The following NUFIP2 variants were observed in gnomAD, a reference collection of about 807,000 sequenced individuals.
The protein encoded by NUFIP2 is nuclear FMR1 interacting protein 2, also known as FMR1-interacting protein NUFIP2.
A neutral mutation model predicts 56.9 loss-of-function variants in NUFIP2; 6 were observed. That is an observed-to-expected ratio of 0.11 (90% CI 0.06 to 0.21). The LOEUF (loss-of-function observed/expected upper bound fraction) is 0.21, where lower values mean the gene tolerates loss of function less well. Among genes scored for constraint, NUFIP2 ranks in the 10% least tolerant of loss-of-function variants. The pLI, the probability that NUFIP2 is intolerant of heterozygous loss-of-function variation, is 1.00. For synonymous variants in NUFIP2, 321 were observed against 298.2 expected (o/e 1.08, Z -0.79); for missense variants, 828 against 826.8 (o/e 1.00, Z -0.02).
In NUFIP2 at chr17:29,286,450, G is replaced by A; in HGVS notation, c.1544C>T (p.Pro515Leu). Residue 515 changes from proline to leucine, a missense_variant, in exon 2 of 4, where the codon CCC becomes CTC. Pro to Leu is a moderately conservative substitution (Grantham distance 98). Around this residue, in one of 3 missense-constraint regions of NUFIP2, gnomAD observed 404 missense variants for 380.3 expected, o/e 1.06. Transcript: ENST00000225388. ...NQWGLSFINE[P>L]SAGPETVTGK... is the part of the protein sequence containing the mutation. Reference sequence around the variant, plus strand: ...AGTAACAGTCTCAGGGCCAGCACTGGGCTCATTTATAAATGATAAACCCCA... The same window carrying A: ...AGTAACAGTCTCAGGGCCAGCACTGAGCTCATTTATAAATGATAAACCCCA... 1.2e-6 allele frequency: 2 copies of A among 1,614,064 alleles called. No individual in the cohort carries two copies. The highest frequency in any genetic ancestry group is 1.7e-6 in the Non-Finnish European group (2 of 1,180,014).
chr17:29,291,052 A>G (rs867058296), intron 1 of NUFIP2, among the ~76,000 whole-genome samples: 1 of 149,696 alleles, frequency 6.7e-6, no homozygotes, highest in African/African-American at 2.5e-5. Flanking sequence ...AAAAAAAAAA[A>G]AGAAAAGAAA....
chr17:29,260,927 G>C lies in NUFIP2; in HGVS notation c.*3612C>G, dbSNP rs529877124. ...CCTAGTTATTGGCTATCCCCTCCTAGAAAGTAGAGGAGGAAGGGCTGGCTA... is the reference window on the plus strand; with the variant it reads ...CCTAGTTATTGGCTATCCCCTCCTACAAAGTAGAGGAGGAAGGGCTGGCTA... On this transcript the variant is annotated 3_prime_UTR_variant, in exon 4 of 4. Transcript: ENST00000225388. 4.2e-4 allele frequency: 64 copies of C among 152,244 alleles called. No homozygotes were observed. Among genetic ancestry groups the C allele is most frequent in the African/African-American group, 1.5e-3 (64 of 41,558 alleles). The allele number at this position is 152,244 out of a possible 1,614,324, so 9.4% of individuals were successfully genotyped here.
At chr17:29,279,629 G>A (rs1426930918) in intron 2 of NUFIP2, among the ~76,000 whole-genome samples, 3 of 152,074 alleles carry the variant, frequency 2.0e-5, no homozygotes, top group African/African-American at 2.4e-5. Context: ...GACCTCTTGG[G>A]CTTGGTGATA....
chr17:29,279,197 C>G (rs2069125998), intron 2 of NUFIP2, among the ~76,000 whole-genome samples: 1 of 152,118 alleles, frequency 6.6e-6, no homozygotes, highest in South Asian at 2.1e-4. Context: ...TATTCAGATC[C>G]TTCTCTGAAC....
chr17:29,286,102 G>A lies in NUFIP2; in HGVS notation c.1892C>T (p.Thr631Met), dbSNP rs747830883. 28 of 1,613,790 alleles carry A rather than the reference G, an allele frequency of 1.7e-5. No homozygotes were observed. The highest frequency in any genetic ancestry group is 4.5e-5 in the East Asian group (2 of 44,888). The change falls in exon 2 of 4, where the codon ACG becomes ATG. Residue 631 changes from threonine to methionine, a missense_variant. Thr to Met is a moderately conservative substitution (Grantham distance 81). This residue lies in a region of NUFIP2 where 404 missense variants were observed against 380.3 expected (regional missense o/e 1.06). Coordinates refer to ENST00000225388, the MANE Select transcript of NUFIP2 (RefSeq NM_020772.3). ...IESQNPLASP[T>M]NTLLGSAKEQ... ...TTTGGCAGAGCCTAACAAAGTGTTC[G>A]TAGGAGAGGCCAGAGGATTTTGACT...
chr17:29,285,901 A>G (rs1175743999), intron 2 of NUFIP2, 91 bp downstream of exon 2: 2 of 1,008,522 alleles, frequency 2.0e-6, no homozygotes, highest in Non-Finnish European at 2.9e-6. Flanking sequence ...TACTCTTAAT[A>G]TGAACAACTA....
intron 2 of NUFIP2, among the ~76,000 whole-genome samples, chr17:29,277,927 G>A (rs551174296): frequency 9.9e-5 from 15 of 152,148 alleles, no homozygotes; most frequent in Admixed American, 8.5e-4. Context: ...GCAAGAGATC[G>A]CTTGAACCCA....
At chr17:29,276,053 A>C (rs2069106649) in intron 2 of NUFIP2, among the ~76,000 whole-genome samples, 2 of 130,322 alleles carry the variant, frequency 1.5e-5, no homozygotes, top group South Asian at 5.6e-4. Context: ...TATATATCTG[A>C]AAGTGACCAC....
Position 29,285,983 on chromosome 17 carries a change from A to G in NUFIP2, c.2002+9T>C. The stretch of plus-strand genomic sequence containing the variant: ...ATAAAAATCTTTGTATAGGAAACAA[A>G]TGAGTTACCTTTAGTGTGATATACA... On this transcript the variant is annotated intron_variant, in intron 2 of 3. Transcript: ENST00000225388. 6.3e-7 allele frequency: 1 copy of G among 1,577,342 alleles called. No individual in the cohort carries two copies. Among genetic ancestry groups the G allele is most frequent in the Non-Finnish European group, 8.6e-7 (1 of 1,162,354 alleles).
intron 1 of NUFIP2, among the ~76,000 whole-genome samples, chr17:29,288,895 A>C (rs529621564): frequency 2.2e-4 from 34 of 152,384 alleles, no homozygotes; most frequent in African/African-American, 8.2e-4. Context: ...TCATGTCTGT[A>C]AACATAGCAC....
In NUFIP2 at chr17:29,261,861, T is replaced by C. The variant is rs901146050; in HGVS notation, c.*2678A>G. The C allele has an allele frequency of 1.8e-4, 28 of 152,680 alleles. No homozygotes were observed. The highest frequency in any genetic ancestry group is 4.3e-4 in the African/African-American group (18 of 41,558). 9.5% of individuals were successfully genotyped at this position (152,680 alleles called of 1,614,324 possible). A position where few individuals can be genotyped will look rare whatever the true frequency, so the allele number is the denominator to read the frequency against. ...AAGTTAACAGACATTCCTAACTACA[T>C]ACCTCTAACCATATAATCAAGGAAA... On this transcript the variant is annotated 3_prime_UTR_variant, in exon 4 of 4. Transcript: ENST00000225388.
rs1231116841 is a variant in NUFIP2 at position 29,263,765 on chromosome 17, T to C, written c.*774A>G. The C allele has an allele frequency of 1.3e-5, 2 of 152,610 alleles. No homozygotes were observed. The highest frequency in any genetic ancestry group is 1.9e-4 in the East Asian group (1 of 5,188). The allele number at this position is 152,610 out of a possible 1,614,324, so 9.5% of individuals were successfully genotyped here. On this transcript the variant is annotated 3_prime_UTR_variant, in exon 4 of 4. Coordinates refer to ENST00000225388, the MANE Select transcript of NUFIP2 (RefSeq NM_020772.3). ...GCAACTTTTCTTTAAATGACACGCA[T>C]AGATTCTTCAGTTGTTAAAGTCCAA...
At chr17:29,274,546 T>C (rs940980771) in intron 2 of NUFIP2, among the ~76,000 whole-genome samples, 1 of 152,204 alleles carries the variant, frequency 6.6e-6, no homozygotes, top group Non-Finnish European at 1.5e-5. Flanking sequence ...ATGACTGCTT[T>C]TGAGCTATAA....
At chr17:29,275,768 C>G (rs2069103717) in intron 2 of NUFIP2, among the ~76,000 whole-genome samples, 1 of 152,046 alleles carries the variant, frequency 6.6e-6, no homozygotes, top group Non-Finnish European at 1.5e-5. Flanking sequence ...TGGCTCACAC[C>G]TGTAATCCCA....
In NUFIP2 at chr17:29,261,804, A is replaced by C. The variant is rs940139806; in HGVS notation, c.*2735T>G. 9 of 152,618 alleles carry C rather than the reference A, an allele frequency of 5.9e-5. No individual in the cohort carries two copies. 9.5% of individuals were successfully genotyped at this position (152,618 alleles called of 1,614,324 possible). A position where few individuals can be genotyped will look rare whatever the true frequency, so the allele number is the denominator to read the frequency against. On this transcript the variant is annotated 3_prime_UTR_variant, in exon 4 of 4. Transcript: ENST00000225388. ...AACCTAATGCCCCCAAAATACTGAC[A>C]GTTAATATGATGGGGCACTAGGGTT...
intron 3 of NUFIP2, among the ~76,000 whole-genome samples, chr17:29,265,707 T>G (rs1172770036): frequency 9.4e-6 from 1 of 106,216 alleles, no homozygotes; most frequent in African/African-American, 4.0e-5. Context: ...CAAGTATACA[T>G]GCTTAAAAAA....
intron 2 of NUFIP2, among the ~76,000 whole-genome samples, chr17:29,270,861 T>C (rs1057163990): frequency 1.3e-5 from 2 of 152,184 alleles, no homozygotes; most frequent in Non-Finnish European, 2.9e-5. Context: ...CAACTTTTCA[T>C]GTTAACCACC....
At chr17:29,268,353 C>T (rs1242885726) in intron 2 of NUFIP2, among the ~76,000 whole-genome samples, 1 of 152,178 alleles carries the variant, frequency 6.6e-6, no homozygotes, top group African/African-American at 2.4e-5. Context: ...TTAAAAAACA[C>T]CAAGTATTTC....
At chr17:29,293,106 G>A (rs548145226) in intron 1 of NUFIP2, among the ~76,000 whole-genome samples, 36 of 151,758 alleles carry the variant, frequency 2.4e-4, no homozygotes, top group African/African-American at 8.5e-4. Flanking sequence ...TTCCAGCCGC[G>A]CCGGCTCTGG....
Sources: allele counts gnomAD v4.1 joint callset (sites outside exome capture counted in the v4.1 genomes callset), GRCh38; gene constraint gnomAD v4.1.1; regional missense constraint gnomAD v4.1.1; transcripts MANE v1.5; gene names NCBI Gene and HGNC (gene_info 2026-07-23, HGNC 2026-07-21).